The following LINGO2 variants were observed in gnomAD, a reference collection of about 807,000 sequenced individuals.
The protein encoded by LINGO2 is leucine rich repeat and Ig domain containing 2.
In LINGO2, 14 loss-of-function variants were observed where a neutral mutation model predicts 30.6. The observed-to-expected ratio is 0.46, with a 90% confidence interval of 0.30 to 0.72. The LOEUF (loss-of-function observed/expected upper bound fraction) is 0.72. Ranked by LOEUF, LINGO2 falls within the 30% of genes least tolerant of loss-of-function variation. LINGO2 has a pLI of 0.07. For missense variants in LINGO2, 729 were observed against 751.7 expected (o/e 0.97, Z 0.35); for synonymous variants, 317 against 288.5 (o/e 1.10, Z -1.00).
At chr9:28,828,238 T>A in the LINGO2 span, among the ~76,000 whole-genome samples, 52 of 152,178 alleles carry the variant, frequency 3.4e-4, no homozygotes, top group African/African-American at 1.1e-3. Context: ...TTATCCTTTT[T>A]CATACCATTT....
rs1554713022 is a variant in LINGO2, at chr9:28,374,206, T to TATATATATATATATATA, written c.-278-1339_-278-1338insTATATATATATATATAT. The stretch of plus-strand genomic sequence containing the variant: ...CTCTACTTTTGTTAAAAATATGTTT[T>TATATATATATATATATA]TATTTATATATATATATATATATAT... On this transcript the variant is annotated intron_variant, in intron 2 of 5. Transcript: ENST00000379992. Among the ~76,000 whole-genome samples, 64 of 109,856 alleles carry TATATATATATATATATA rather than the reference T, an allele frequency of 5.8e-4. No individual in the cohort carries two copies. The East Asian group carries it at 6.2e-3, about 11-fold the overall frequency. 72.1% of individuals were successfully genotyped at this position (109,856 alleles called of 152,430 possible). A position where few individuals can be genotyped will look rare whatever the true frequency, so the allele number is the denominator to read the frequency against.
the LINGO2 span, among the ~76,000 whole-genome samples, chr9:28,832,378 T>A: frequency 6.6e-6 from 1 of 152,332 alleles, no homozygotes; most frequent in South Asian, 2.1e-4. Context: ...CAACTTATGT[T>A]TCTTATTAAA....
the LINGO2 span, among the ~76,000 whole-genome samples, chr9:28,893,206 T>C: frequency 4.2e-3 from 640 of 152,086 alleles, 5 homozygotes; most frequent in African/African-American, 0.014. Context: ...AGTATAATGA[T>C]GTTTTGTTTG....
intron 2 of LINGO2, among the ~76,000 whole-genome samples, chr9:28,470,092 G>A (rs1376875304): frequency 2.6e-5 from 4 of 152,172 alleles, no homozygotes; most frequent in Non-Finnish European, 5.9e-5. Flanking sequence ...TGAACAGGGT[G>A]AAGCTCTAAA....
At chr9:28,673,856 A>G (rs1288833511), upstream of LINGO2, among the ~76,000 whole-genome samples, 1 of 152,116 alleles carries the variant, frequency 6.6e-6, no homozygotes, top group Non-Finnish European at 1.5e-5. Flanking sequence ...AAGGTAAGTG[A>G]TAACGTTTAT....
the LINGO2 span, among the ~76,000 whole-genome samples, chr9:28,931,350 T>C: frequency 6.6e-6 from 1 of 152,204 alleles, no homozygotes; most frequent in Non-Finnish European, 1.5e-5. Context: ...GACAGCTCAG[T>C]GTCTCTTTGC....
At chr9:28,638,851 C>T (rs1458429817) in intron 1 of LINGO2, among the ~76,000 whole-genome samples, 1 of 151,974 alleles carries the variant, frequency 6.6e-6, no homozygotes, top group East Asian at 1.9e-4. Context: ...TTATTTCTTG[C>T]CTTCTGCTAG....
the LINGO2 span, among the ~76,000 whole-genome samples, chr9:28,743,173 TTTTA>T: frequency 5.9e-5 from 9 of 151,978 alleles, no homozygotes; most frequent in East Asian, 9.6e-4. Context: ...ATTTTTATTA[TTTTA>T]TTTATTTATT....
chr9:28,786,134 G>A, the LINGO2 span, among the ~76,000 whole-genome samples: 1 of 152,076 alleles, frequency 6.6e-6, no homozygotes, highest in Non-Finnish European at 1.5e-5. Context: ...AATACTCAAT[G>A]GCAATCCATT....
chr9:28,252,415 CG>C, intron 4 of LINGO2, among the ~76,000 whole-genome samples: 1 of 152,074 alleles, frequency 6.6e-6, no homozygotes, highest in South Asian at 2.1e-4. Flanking sequence ...TTAGTAGAGA[CG>C]GGGTTTTGCC....
At chr9:28,732,848 G>C in the LINGO2 span, among the ~76,000 whole-genome samples, 1 of 152,038 alleles carries the variant, frequency 6.6e-6, no homozygotes, top group Non-Finnish European at 1.5e-5. Flanking sequence ...ACTTTCTGAA[G>C]AAATCCTGGC....
intron 1 of LINGO2, among the ~76,000 whole-genome samples, chr9:28,584,762 A>G (rs906909959): frequency 2.0e-5 from 3 of 152,064 alleles, no homozygotes; most frequent in Non-Finnish European, 4.4e-5. Flanking sequence ...ACTGTTGAAG[A>G]GAGATCAGAA....
chr9:28,266,793 T>C (rs751023093), intron 4 of LINGO2, among the ~76,000 whole-genome samples: 18 of 152,160 alleles, frequency 1.2e-4, no homozygotes, highest in Non-Finnish European at 2.4e-4. Context: ...GCGAATCTTC[T>C]CCCATTTCAG....
the LINGO2 span, among the ~76,000 whole-genome samples, chr9:28,992,777 C>T: frequency 0.74 from 111,979 of 151,744 alleles, 41,530 homozygotes; most frequent in Admixed American, 0.77. Context: ...GGGTACATAA[C>T]GAAATGAAGG....
intron 4 of LINGO2, among the ~76,000 whole-genome samples, chr9:28,047,917 G>C (rs1216887258): frequency 3.3e-5 from 5 of 150,758 alleles, no homozygotes; most frequent in Non-Finnish European, 5.9e-5. Flanking sequence ...CAGATTTAGT[G>C]CAACTTCAAA....
intron 5 of LINGO2, among the ~76,000 whole-genome samples, chr9:27,972,598 G>A (rs1327168290): frequency 6.6e-6 from 1 of 152,030 alleles, no homozygotes; most frequent in Non-Finnish European, 1.5e-5. Flanking sequence ...AACAATCCCA[G>A]GTCTATTTAC....
At chr9:28,280,347 TA>T (rs201774220) in intron 4 of LINGO2, among the ~76,000 whole-genome samples, 1,618 of 152,246 alleles carry the variant, frequency 0.011, 17 homozygotes, top group South Asian at 0.052. Context: ...TTTATTGCTT[TA>T]AAAATTATAA....
chr9:27,968,497 G>A (rs1455863555), intron 5 of LINGO2, among the ~76,000 whole-genome samples: 1 of 151,956 alleles, frequency 6.6e-6, no homozygotes, highest in African/African-American at 2.4e-5. Context: ...ATACCTTCAT[G>A]CATAAAGCAA....
At chr9:29,069,778 G>C in the LINGO2 span, among the ~76,000 whole-genome samples, 15 of 152,080 alleles carry the variant, frequency 9.9e-5, no homozygotes, top group South Asian at 3.1e-3. Context: ...CTTTGAGAAG[G>C]AGTTTGTAAT....
Sources: gnomAD v4.1 joint callset for allele counts (sites outside exome capture counted in the v4.1 genomes callset) on GRCh38, gnomAD v4.1.1 for gene constraint, MANE v1.5 for transcripts, NCBI Gene and HGNC (gene_info 2026-07-23, HGNC 2026-07-21) for gene names.